The following CAGE1 variants were observed in gnomAD, a reference collection of about 807,000 sequenced individuals.
CAGE1 encodes the protein cancer antigen 1.
Under a neutral mutation model 94.9 loss-of-function variants are expected in CAGE1, and 66 were observed. That is an observed-to-expected ratio of 0.70 (90% confidence interval 0.57 to 0.85). CAGE1 has a LOEUF of 0.85. Among genes scored for constraint, CAGE1 ranks in the 40% least tolerant of loss-of-function variants. CAGE1 has a pLI of 0.00. For missense variants in CAGE1, 865 were observed against 950.4 expected (o/e 0.91, Z 1.18); for synonymous variants, 319 against 321.0 (o/e 0.99, Z 0.07).
intron 3 of CAGE1, among the ~76,000 whole-genome samples, chr6:7,379,449 A>G (rs1760860784): frequency 6.6e-6 from 1 of 152,240 alleles, no homozygotes; most frequent in Admixed American, 6.5e-5. Context: ...TATTTTACAG[A>G]TAAGGAAACT....
At chr6:7,328,254 T>C (rs1758601179) in intron 13 of CAGE1, among the ~76,000 whole-genome samples, 1 of 152,136 alleles carries the variant, frequency 6.6e-6, no homozygotes, top group Non-Finnish European at 1.5e-5. Context: ...GATATCAAAA[T>C]GAATATGAGA....
intron 5 of CAGE1, among the ~76,000 whole-genome samples, chr6:7,372,636 G>C (rs1365623438): frequency 6.6e-6 from 1 of 152,054 alleles, no homozygotes; most frequent in Non-Finnish European, 1.5e-5. Context: ...CAAACCTGTG[G>C]TGTATTTTCC....
intron 7 of CAGE1, among the ~76,000 whole-genome samples, chr6:7,367,762 G>T (rs1003486431): frequency 1.3e-5 from 2 of 152,152 alleles, no homozygotes; most frequent in Non-Finnish European, 2.9e-5. Context: ...GTTACAGAAT[G>T]AATTTGTTAT....
intron 9 of CAGE1, among the ~76,000 whole-genome samples, chr6:7,358,284 A>G (rs1760049477): frequency 6.6e-6 from 1 of 151,672 alleles, no homozygotes; most frequent in Non-Finnish European, 1.5e-5. Flanking sequence ...GGAACCAAAC[A>G]GTATTTACTC....
intron 5 of CAGE1, among the ~76,000 whole-genome samples, chr6:7,371,697 G>T (rs1760543078): frequency 6.6e-6 from 1 of 152,158 alleles, no homozygotes; most frequent in Non-Finnish European, 1.5e-5. Flanking sequence ...TGAGGCAGGA[G>T]AATTGCTTGA....
chr6:7,379,149 T>C, intron 3 of CAGE1, 129 bp from the exon 4 acceptor site: 1 of 587,298 alleles, frequency 1.7e-6, no homozygotes, highest in Non-Finnish European at 2.7e-6. Flanking sequence ...CAACCTTATT[T>C]ACTGTGTGAA....
intron 9 of CAGE1, among the ~76,000 whole-genome samples, chr6:7,361,198 T>C (rs1009655872): frequency 1.1e-4 from 16 of 152,164 alleles, no homozygotes; most frequent in African/African-American, 2.9e-4. Context: ...CTTGTCCTAG[T>C]GGGCCTGAGA....
intron 4 of CAGE1, among the ~76,000 whole-genome samples, chr6:7,375,659 T>A (rs1318867587): frequency 2.0e-5 from 3 of 152,058 alleles, no homozygotes; most frequent in Non-Finnish European, 2.9e-5. Flanking sequence ...GGAGGATTTC[T>A]TGTGGGCCAT....
At chr6:7,365,928 C>G in intron 7 of CAGE1, 44 bp from the exon 8 acceptor site, 1 of 1,099,080 alleles carries the variant, frequency 9.1e-7, no homozygotes, top group Non-Finnish European at 1.3e-6. Flanking sequence ...GAAAATACAA[C>G]TACGCTCTAA....
At chr6:7,365,766 T>C (rs1581686507) in intron 8 of CAGE1, 38 bp downstream of exon 8, 2 of 1,383,870 alleles carry the variant, frequency 1.4e-6, no homozygotes, top group Non-Finnish European at 2.0e-6. Flanking sequence ...TTGTATATTT[T>C]TATGTTAAAG....
At chr6:7,377,982 A>G (rs1421172519) in intron 4 of CAGE1, among the ~76,000 whole-genome samples, 3 of 152,224 alleles carry the variant, frequency 2.0e-5, no homozygotes, top group Non-Finnish European at 4.4e-5. Flanking sequence ...TTGTCAGTAG[A>G]ATTCCAATAT....
At chr6:7,356,279 G>A (rs1433160025) in intron 9 of CAGE1, 150 bp from the exon 10 acceptor site, 2 of 598,384 alleles carry the variant, frequency 3.3e-6, no homozygotes, top group African/African-American at 1.9e-5. Context: ...GAGAGGCTAT[G>A]AACCAGATAA....
chr6:7,356,057 A>C lies in CAGE1; in HGVS notation c.2266T>G (p.Tyr756Asp). ...ATTAAGTTGCCTAAATGTCTTTGAT[A>C]CTTGTCATTTTCTTCAATGAGTCTG... Reference protein sequence around the residue: ...CNRLIEENDKYQRHLGNLIKK... With the variant: ...CNRLIEENDKDQRHLGNLIKK... Residue 756 changes from tyrosine to aspartate, a missense_variant, in exon 10 of 14, where the codon TAT becomes GAT. Coordinates refer to ENST00000502583, the MANE Select transcript of CAGE1 (RefSeq NM_001170692.2). The C allele has an allele frequency of 6.5e-7, 1 of 1,548,810 alleles. No homozygotes were observed. Among genetic ancestry groups the C allele is most frequent in the East Asian group, 2.4e-5 (1 of 40,890 alleles).
At chr6:7,352,799 A>T (rs933623438) in intron 11 of CAGE1, among the ~76,000 whole-genome samples, 2 of 152,214 alleles carry the variant, frequency 1.3e-5, no homozygotes, top group Non-Finnish European at 2.9e-5. Flanking sequence ...TGGGGAAAGG[A>T]CACCCTTTTC....
In CAGE1 at chr6:7,340,908, T is replaced by A. The variant is rs1377851635; in HGVS notation, c.2370-6818A>T. On this transcript the variant is annotated intron_variant, in intron 11 of 13. Coordinates refer to ENST00000502583, the MANE Select transcript of CAGE1 (RefSeq NM_001170692.2). ...GCCAATTTTAGCCGGGGGGAGCTCG[T>A]CTGCAAAGATGAGGTGGAACCGGCC... The A allele has an allele frequency of 4.0e-5, 17 of 421,758 alleles. No homozygotes were observed. The East Asian group carries it at 7.5e-4, about 19-fold the overall frequency. 26.1% of individuals were successfully genotyped at this position (421,758 alleles called of 1,614,324 possible).
intron 9 of CAGE1, among the ~76,000 whole-genome samples, chr6:7,360,946 C>CAAAA (rs1367118712): frequency 6.6e-6 from 1 of 151,796 alleles, no homozygotes; most frequent in Non-Finnish European, 1.5e-5. Flanking sequence ...GACTCTGTCT[C>CAAAA]AAAAAACAAA....
chr6:7,359,331 G>A (rs911372684), intron 9 of CAGE1, among the ~76,000 whole-genome samples: 3 of 152,220 alleles, frequency 2.0e-5, no homozygotes, highest in Non-Finnish European at 4.4e-5. Context: ...ACAGGTGTGA[G>A]CCACCTTGCC....
At chr6:7,346,226 C>G (rs906321254) in intron 11 of CAGE1, among the ~76,000 whole-genome samples, 3 of 152,070 alleles carry the variant, frequency 2.0e-5, no homozygotes, top group African/African-American at 7.2e-5. Flanking sequence ...AAATACTGTT[C>G]TTCATGGATA....
chr6:7,372,634 T>C (rs747503972), intron 5 of CAGE1, among the ~76,000 whole-genome samples: 6 of 152,096 alleles, frequency 3.9e-5, no homozygotes, highest in East Asian at 1.9e-4. Flanking sequence ...TCCAAACCTG[T>C]GGTGTATTTT....
Sources: allele counts gnomAD v4.1 joint callset (sites outside exome capture counted in the v4.1 genomes callset), GRCh38; gene constraint gnomAD v4.1.1; transcripts MANE v1.5; gene names NCBI Gene and HGNC (gene_info 2026-07-23, HGNC 2026-07-21).